Variants in AHI1 observed in about 807,000 individuals in gnomAD.
AHI1 encodes Abelson helper integration site 1, also known as jouberin.
A neutral mutation model predicts 149.3 loss-of-function variants in AHI1; 123 were observed. The observed-to-expected ratio is 0.82, with a 90% confidence interval of 0.71 to 0.96. AHI1 has a LOEUF of 0.96. Ranked by LOEUF, AHI1 falls within the 40% of genes least tolerant of loss-of-function variation. AHI1 has a pLI of 0.00. For synonymous variants in AHI1, 475 were observed against 459.8 expected (o/e 1.03, Z -0.42); for missense variants, 1,439 against 1,422.7 (o/e 1.01, Z -0.18).
chr6:135,485,847 A>G (rs1171500941), intron 5 of AHI1, among the ~76,000 whole-genome samples: 1 of 152,240 alleles, frequency 6.6e-6, no homozygotes, highest in East Asian at 1.9e-4. Context: ...ACACTGGCAT[A>G]ACAGGGAGCC....
chr6:135,300,659 G>C (rs577909845), intron 26 of AHI1, 101 bp from the exon 27 acceptor site: 2 of 1,529,800 alleles, frequency 1.3e-6, no homozygotes, highest in South Asian at 1.2e-5. Context: ...TGAATGGGGA[G>C]AGAATATGCC....
intron 5 of AHI1, among the ~76,000 whole-genome samples, chr6:135,482,775 T>G (rs919626079): frequency 1.3e-5 from 2 of 151,880 alleles, no homozygotes; most frequent in African/African-American, 2.4e-5. Context: ...TGACTGAATA[T>G]CTGACATTAT....
chr6:135,494,736 T>C lies in AHI1; in HGVS notation c.-55+1078A>G, dbSNP rs540222402. On this transcript the variant is annotated intron_variant, in intron 3 of 28. Coordinates refer to ENST00000265602, the MANE Select transcript of AHI1 (RefSeq NM_001134831.2). ...AAGATTTGGGAGTTATTTATAAATA[T>C]GATAGTTCCAAGAAAATAAAAAGCC... Among the ~76,000 whole-genome samples, 188 of 152,244 alleles carry C rather than the reference T, an allele frequency of 1.2e-3. 1 individual carries two copies. The highest frequency in any genetic ancestry group is 4.2e-3 in the African/African-American group (173 of 41,526).
chr6:135,388,173 A>C (rs903205013), intron 23 of AHI1: 1 of 887,886 alleles, frequency 1.1e-6, no homozygotes, highest in Non-Finnish European at 1.7e-6. Flanking sequence ...TACAATAGTG[A>C]ATTAATGCCT....
chr6:135,467,219 G>T (rs1790911496), intron 6 of AHI1, among the ~76,000 whole-genome samples: 1 of 152,048 alleles, frequency 6.6e-6, no homozygotes, highest in Non-Finnish European at 1.5e-5. Flanking sequence ...AGAGAAGAGA[G>T]ATTCTCAAAT....
At position 135,465,941 on chromosome 6, in the gene AHI1, T is replaced by G; in HGVS notation, c.622A>C (p.Ile208Leu). 2 of 1,608,892 alleles carry G rather than the reference T, an allele frequency of 1.2e-6. No homozygotes were observed. The highest frequency in any genetic ancestry group is 1.7e-6 in the Non-Finnish European group (2 of 1,178,196). ...EEMAKEIKRK[I>L]RKKLKEQLTY... ...AACTGTTCTTTCAGTTTCTTTCTTA[T>G]TTTCCTCTTAATCTCCTTTGCCATT... Residue 208 changes from isoleucine to leucine, a missense_variant, in exon 7 of 29, where the codon ATA (isoleucine) becomes CTA (leucine). By Grantham distance (5) the Ile-to-Leu change is conservative (BLOSUM62 2). Transcript: ENST00000265602.
chr6:135,444,533 C>T (rs1357842451), intron 13 of AHI1, among the ~76,000 whole-genome samples: 7 of 152,188 alleles, frequency 4.6e-5, no homozygotes, highest in Admixed American at 1.3e-4. Flanking sequence ...CTTCACTCAC[C>T]CCTACCTTGA....
intron 24 of AHI1, among the ~76,000 whole-genome samples, chr6:135,351,976 A>C (rs1192611750): frequency 1.3e-5 from 2 of 152,116 alleles, no homozygotes; most frequent in African/African-American, 2.4e-5. Flanking sequence ...CTCCCTTTTT[A>C]ACTACAACTT....
intron 3 of AHI1, among the ~76,000 whole-genome samples, chr6:135,493,427 T>C (rs1181416534): frequency 2.6e-5 from 4 of 152,224 alleles, no homozygotes; most frequent in African/African-American, 7.2e-5. Context: ...TCAGTTAACT[T>C]AGGCAACAAC....
intron 15 of AHI1, among the ~76,000 whole-genome samples, 189 bp downstream of exon 15, chr6:135,438,186 C>A (rs2128037355): frequency 6.6e-6 from 1 of 152,282 alleles, no homozygotes; most frequent in East Asian, 1.9e-4. Context: ...AAATAAAAGA[C>A]ATTTAAGAAA....
At chr6:135,342,665 T>C (rs1165448120) in intron 24 of AHI1, among the ~76,000 whole-genome samples, 1 of 151,846 alleles carries the variant, frequency 6.6e-6, no homozygotes, top group Non-Finnish European at 1.5e-5. Flanking sequence ...TCAGTAGATA[T>C]GGAAAATCAT....
intron 20 of AHI1, among the ~76,000 whole-genome samples, 186 bp from the exon 21 acceptor site, chr6:135,411,730 G>A (rs1204590800): frequency 5.3e-5 from 8 of 152,098 alleles, no homozygotes; most frequent in Non-Finnish European, 1.2e-4. Context: ...GAAGCAAATA[G>A]AATTTCATGT....
intron 26 of AHI1, among the ~76,000 whole-genome samples, chr6:135,307,630 GA>G (rs1784667650): frequency 6.6e-6 from 1 of 151,754 alleles, no homozygotes; most frequent in Non-Finnish European, 1.5e-5. Flanking sequence ...ATCTTAAAAT[GA>G]AAAGCTTTTT....
At chr6:135,334,059 G>C (rs535935090) in intron 24 of AHI1, among the ~76,000 whole-genome samples, 1 of 152,258 alleles carries the variant, frequency 6.6e-6, no homozygotes, top group South Asian at 2.1e-4. Context: ...CATTTCCTCT[G>C]AATTCACCAT....
At chr6:135,484,491 C>G (rs1208696320) in intron 5 of AHI1, among the ~76,000 whole-genome samples, 2 of 151,462 alleles carry the variant, frequency 1.3e-5, no homozygotes, top group Non-Finnish European at 2.9e-5. Context: ...TTTTTTCATT[C>G]CTTTTGCTCA....
intron 24 of AHI1, among the ~76,000 whole-genome samples, chr6:135,352,417 C>G (rs926495636): frequency 6.6e-6 from 1 of 152,078 alleles, no homozygotes; most frequent in African/African-American, 2.4e-5. Context: ...CACTGTTACT[C>G]TGGTCTAGCA....
intron 23 of AHI1, among the ~76,000 whole-genome samples, chr6:135,359,030 T>A (rs1793435377): frequency 6.6e-6 from 1 of 152,238 alleles, no homozygotes; most frequent in Admixed American, 6.5e-5. Context: ...AACTACAATG[T>A]CTGTTAATAG....
chr6:135,404,858 T>A (rs747223698), intron 22 of AHI1, 93 bp downstream of exon 22: 1 of 1,147,450 alleles, frequency 8.7e-7, no homozygotes, highest in Admixed American at 1.8e-5. Flanking sequence ...TTAACTCTTA[T>A]AAAGGTTCCA....
rs17064562 is a variant in AHI1, at chr6:135,465,716, G to C, written c.749+98C>G. The C allele has an allele frequency of 2.9e-3, 2,926 of 1,009,856 alleles. 70 individuals carry two copies. The African/African-American group carries it at 0.044, about 15-fold the overall frequency. The allele number at this position is 1,009,856 out of a possible 1,614,324, so 62.6% of individuals were successfully genotyped here. A position where few individuals can be genotyped will look rare whatever the true frequency, so the allele number is the denominator to read the frequency against. ...AGTGACAATGTCTCCAAATAAAAGC[G>C]TAAGAATTTTCTTTGTTAAACCACA... On this transcript the variant is annotated intron_variant, in intron 7 of 28. Coordinates refer to ENST00000265602, the MANE Select transcript of AHI1 (RefSeq NM_001134831.2).
Sources: gnomAD v4.1 joint callset for allele counts (sites outside exome capture counted in the v4.1 genomes callset) on GRCh38, gnomAD v4.1.1 for gene constraint, MANE v1.5 for transcripts, NCBI Gene and HGNC (gene_info 2026-07-23, HGNC 2026-07-21) for gene names.